Variants in BID observed in about 807,000 individuals in gnomAD.
The protein encoded by BID is BH3 interacting domain death agonist.
BID carries 19 observed loss-of-function variants against 17.4 expected under a neutral mutation model. The observed-to-expected ratio is 1.09, with a 90% CI of 0.76 to 1.60. The LOEUF (loss-of-function observed/expected upper bound fraction) is 1.60, where lower values mean the gene tolerates loss of function less well. BID is among the 40% of genes most tolerant of loss of function. The pLI is 0.00. For missense variants in BID, 226 were observed against 256.0 expected (o/e 0.88, Z 0.80); for synonymous variants, 108 against 102.8 (o/e 1.05, Z -0.31).
At chr22:17,739,155 C>T (rs2061439862) in intron 4 of BID, among the ~76,000 whole-genome samples, 194 bp downstream of exon 4, 1 of 135,932 alleles carries the variant, frequency 7.4e-6, no homozygotes. Flanking sequence ...GTTCAGGTTT[C>T]CTCGATGTCA....
rs932510139 is a variant in BID at position 17,769,287 on chromosome 22, G to A, written c.-59+5094C>T. Among the ~76,000 whole-genome samples the A allele has an allele frequency of 4.6e-5, 7 of 152,228 alleles. No individual in the cohort carries two copies. The highest frequency in any genetic ancestry group is 9.6e-5 in the African/African-American group (4 of 41,466). On this transcript the variant is annotated intron_variant, in intron 1 of 5. Coordinates refer to ENST00000622694, the MANE Select transcript of BID (RefSeq NM_001196.4). The surrounding 1 kb of genome is among the most constrained non-coding windows in gnomAD (Gnocchi z 4.8). ...CGGCTGGCTGCTGGTGTGAGTACAC[G>A]GGTGACCCTTCCACAAAGGCCCCTA...
At chr22:17,745,394 G>C (rs957649397) in intron 2 of BID, among the ~76,000 whole-genome samples, 3 of 152,116 alleles carry the variant, frequency 2.0e-5, no homozygotes, top group African/African-American at 7.2e-5. Context: ...GCTTTGCTAG[G>C]TGATGCCTGT....
intron 2 of BID, among the ~76,000 whole-genome samples, chr22:17,745,451 A>C (rs919744811): frequency 6.6e-6 from 1 of 152,078 alleles, no homozygotes; most frequent in African/African-American, 2.4e-5. Flanking sequence ...GTTTGAGCCC[A>C]GGAATTTGAG....
At chr22:17,750,689 G>T (rs1162035750) in intron 1 of BID, among the ~76,000 whole-genome samples, 1 of 152,026 alleles carries the variant, frequency 6.6e-6, no homozygotes, top group African/African-American at 2.4e-5. Flanking sequence ...TTAGCCGGGC[G>T]TGGTGGCGGG....
At chr22:17,761,678 C>G (rs762256722) in intron 1 of BID, among the ~76,000 whole-genome samples, 5 of 152,162 alleles carry the variant, frequency 3.3e-5, no homozygotes, top group Non-Finnish European at 5.9e-5. Flanking sequence ...TCGTGATCCA[C>G]CCGCCTCGGC....
At chr22:17,740,102 GGCCACGCTCAACT>G (rs71690189) in intron 3 of BID, 244,025 of 1,609,792 alleles carry the variant, frequency 0.15, 21,789 homozygotes, top group African/African-American at 0.37. Flanking sequence ...GCTCCATGAA[GGCCACGCTCAACT>G]GCCACGCTCC....
In BID at chr22:17,743,753, G is replaced by A. The variant is rs767725706; in HGVS notation, c.223+50C>T. ...GCCCTGAGGCTCCCTGAATGTTACT[G>A]GCGACAGAGAAGCCCAGCTTTGGGG... is the stretch of plus-strand genomic sequence containing the variant. On this transcript the variant is annotated intron_variant, in intron 3 of 5. Coordinates refer to ENST00000622694, the MANE Select transcript of BID (RefSeq NM_001196.4). 6.5e-6 allele frequency: 10 copies of A among 1,546,718 alleles called. No individual in the cohort carries two copies. In the South Asian group the frequency reaches 1.2e-4, roughly 18 times the overall value.
intron 5 of BID, among the ~76,000 whole-genome samples, chr22:17,737,334 C>A (rs1234075825): frequency 2.0e-5 from 3 of 151,974 alleles, no homozygotes; most frequent in Non-Finnish European, 2.9e-5. Context: ...TTTTTGACTA[C>A]TCGTTTTGGT....
chr22:17,760,692 G>A (rs928148259), intron 1 of BID, among the ~76,000 whole-genome samples: 4 of 152,080 alleles, frequency 2.6e-5, no homozygotes, highest in Admixed American at 6.6e-5. Context: ...GGCCCGGCGC[G>A]CTGGGGTGGT....
Position 17,739,585 on chromosome 22 carries a change from C to T in BID, c.224-97G>A, listed in dbSNP as rs563315151. The T allele has an allele frequency of 5.9e-4, 873 of 1,479,140 alleles. 4 individuals carry two copies. The highest frequency in any genetic ancestry group is 4.0e-4 in the Non-Finnish European group (435 of 1,098,048). 91.6% of individuals were successfully genotyped at this position (1,479,140 alleles called of 1,614,324 possible). ...CCTGCCCCGGGAAAGGACAGGTCCG[C>T]GATGGGACAAGGCCAGCCCCCACTG... On this transcript the variant is annotated intron_variant, in intron 3 of 5. Coordinates refer to ENST00000622694, the MANE Select transcript of BID (RefSeq NM_001196.4).
intron 2 of BID, among the ~76,000 whole-genome samples, chr22:17,746,583 C>T (rs989347997): frequency 3.9e-5 from 6 of 152,160 alleles, no homozygotes; most frequent in East Asian, 1.9e-4. Context: ...AAAAGAAAAG[C>T]GCAAGTCCTA....
intron 1 of BID, among the ~76,000 whole-genome samples, chr22:17,767,707 C>A (rs9618106): frequency 0.086 from 13,028 of 152,118 alleles, 1,117 homozygotes; most frequent in African/African-American, 0.22. Flanking sequence ...TGGGTAAGCC[C>A]GAAACCAACA....
chr22:17,760,566 G>C (rs1251820836), intron 1 of BID, among the ~76,000 whole-genome samples: 10 of 150,146 alleles, frequency 6.7e-5, no homozygotes, highest in Admixed American at 6.0e-4. Flanking sequence ...CTTACATCTA[G>C]AAAACAGAAA....
chr22:17,754,974 A>G (rs1363860237), intron 1 of BID, among the ~76,000 whole-genome samples: 3 of 151,956 alleles, frequency 2.0e-5, no homozygotes, highest in Admixed American at 6.6e-5. Context: ...TATGTTGGGC[A>G]GGCTGGTCTT....
intron 1 of BID, among the ~76,000 whole-genome samples, chr22:17,763,285 C>G (rs1218150340): frequency 6.6e-6 from 1 of 150,422 alleles, no homozygotes; most frequent in Non-Finnish European, 1.5e-5. Flanking sequence ...GCTCTGTCAT[C>G]CAGGCTGGAG....
At chr22:17,751,357 C>T (rs1018113835) in intron 1 of BID, among the ~76,000 whole-genome samples, 1 of 148,084 alleles carries the variant, frequency 6.8e-6, no homozygotes, top group Non-Finnish European at 1.5e-5. Context: ...CCGACCTGGG[C>T]GACAGAGCGA....
intron 1 of BID, among the ~76,000 whole-genome samples, chr22:17,759,996 T>C (rs1383156499): frequency 1.3e-5 from 2 of 151,130 alleles, no homozygotes; most frequent in African/African-American, 4.9e-5. Flanking sequence ...TAGCCGGGCG[T>C]GGTGGTGGGC....
Position 17,739,577 on chromosome 22 carries a change from C to T in BID, c.224-89G>A, listed in dbSNP as rs1301236182. On this transcript the variant is annotated intron_variant, in intron 3 of 5. Coordinates refer to ENST00000622694, the MANE Select transcript of BID (RefSeq NM_001196.4). ...CACACCACCCTGCCCCGGGAAAGGACAGGTCCGCGATGGGACAAGGCCAGC... is the reference window on the plus strand; with the variant it reads ...CACACCACCCTGCCCCGGGAAAGGATAGGTCCGCGATGGGACAAGGCCAGC... 13 of 1,510,680 alleles carry T rather than the reference C, an allele frequency of 8.6e-6. No homozygotes were observed. The East Asian group carries it at 3.0e-4, about 35-fold the overall frequency. The allele number at this position is 1,510,680 out of a possible 1,614,324, so 93.6% of individuals were successfully genotyped here. A position where few individuals can be genotyped will look rare whatever the true frequency, so the allele number is the denominator to read the frequency against.
chr22:17,774,578 C>A (rs2061746744), upstream of BID: 1 of 150,224 alleles, frequency 6.7e-6, no homozygotes, highest in African/African-American at 2.4e-5. Context: ...CGCGCCGGCG[C>A]GGGGCTGTGG....
Sources: gnomAD v4.1 joint callset for allele counts (sites outside exome capture counted in the v4.1 genomes callset) on GRCh38, gnomAD v4.1.1 for gene constraint, Gnocchi (gnomAD v3.1) non-coding constraint, MANE v1.5 for transcripts, NCBI Gene and HGNC (gene_info 2026-07-23, HGNC 2026-07-21) for gene names.